SACM1L: variants seen among roughly 807,000 people sequenced by gnomAD.
SACM1L encodes SAC1 like phosphatidylinositide phosphatase, also known as phosphatidylinositol-3-phosphatase SAC1.
A neutral mutation model predicts 89.5 loss-of-function variants in SACM1L; 32 were observed. That is an observed-to-expected ratio of 0.36 (90% confidence interval 0.27 to 0.48). The LOEUF (loss-of-function observed/expected upper bound fraction) is 0.48. SACM1L is among the 20% of genes least tolerant of loss of function. The pLI is 0.99. For synonymous variants in SACM1L, 213 were observed against 232.8 expected (o/e 0.92, Z 0.77); for missense variants, 543 against 708.5 (o/e 0.77, Z 2.65).
At chr3:45,715,028 T>C (rs538922244) in intron 7 of SACM1L, among the ~76,000 whole-genome samples, 2 of 152,360 alleles carry the variant, frequency 1.3e-5, no homozygotes, top group South Asian at 4.1e-4. Flanking sequence ...CCTACAGTAT[T>C]TAGTACAGTA....
intron 1 of SACM1L, among the ~76,000 whole-genome samples, chr3:45,694,311 C>T (rs1351280211): frequency 1.3e-5 from 2 of 152,142 alleles, no homozygotes; most frequent in African/African-American, 4.8e-5. Flanking sequence ...AAAAGAGTCT[C>T]ATAACTGTGA....
In SACM1L at chr3:45,709,900, G is replaced by GT. The variant is rs539340859; in HGVS notation, c.483+254dup. Among the ~76,000 whole-genome samples the GT allele has an allele frequency of 5.9e-5, 9 of 152,284 alleles. 1 individual carries two copies. The East Asian group carries it at 1.7e-3, about 29-fold the overall frequency. On this transcript the variant is annotated intron_variant, in intron 5 of 19. Transcript: ENST00000389061. ...CAGAAATCTTTGTATAAACACACAT[G>GT]TAAGTTATTAGAGGAAAATCTTTCA...
At chr3:45,739,176 CGT>C (rs565312787) in intron 18 of SACM1L, among the ~76,000 whole-genome samples, 82 of 152,228 alleles carry the variant, frequency 5.4e-4, no homozygotes, top group African/African-American at 1.7e-3. Context: ...CAGAGACAAA[CGT>C]GTTACATGGA....
chr3:45,719,701 T>A (rs1478050506), intron 8 of SACM1L, 100 bp downstream of exon 8: 3 of 645,776 alleles, frequency 4.6e-6, no homozygotes, highest in Non-Finnish European at 7.8e-6. Context: ...CATTATCATT[T>A]GATAGCCTTG....
rs1421952183 is a variant in SACM1L, at chr3:45,744,502, C to T, written c.*833C>T. ...TACATTTTGGTTTCTTTGAGGGTCA[C>T]TCATTGAGACACGCAGGCCTCTGAG... On this transcript the variant is annotated 3_prime_UTR_variant, in exon 20 of 20. Coordinates refer to ENST00000389061, the MANE Select transcript of SACM1L (RefSeq NM_014016.5). The T allele has an allele frequency of 1.3e-5, 2 of 152,600 alleles. No homozygotes were observed. The highest frequency in any genetic ancestry group is 4.1e-4 in the South Asian group (2 of 4,824). The allele number at this position is 152,600 out of a possible 1,614,324, so 9.5% of individuals were successfully genotyped here. A position where few individuals can be genotyped will look rare whatever the true frequency, so the allele number is the denominator to read the frequency against.
chr3:45,744,395 C>G lies in SACM1L; in HGVS notation c.*726C>G, dbSNP rs778985249. On this transcript the variant is annotated 3_prime_UTR_variant, in exon 20 of 20. Transcript: ENST00000389061. ...CAAAGAATGTAAAGTCTATCTCTTA[C>G]GCTAGAGGTCCAAAGCTGCCTCTGT... The G allele has an allele frequency of 2.0e-5, 3 of 152,608 alleles. No individual in the cohort carries two copies. Among genetic ancestry groups the G allele is most frequent in the African/African-American group, 7.2e-5 (3 of 41,432 alleles). The allele number at this position is 152,608 out of a possible 1,614,324, so 9.5% of individuals were successfully genotyped here.
At chr3:45,718,250 TAAAG>T (rs1168852873) in intron 7 of SACM1L, among the ~76,000 whole-genome samples, 14 of 146,012 alleles carry the variant, frequency 9.6e-5, no homozygotes, top group African/African-American at 2.3e-4. Flanking sequence ...AATGAGCAAA[TAAAG>T]AAAACTGAAA....
intron 1 of SACM1L, among the ~76,000 whole-genome samples, chr3:45,701,329 C>G (rs1459874650): frequency 6.6e-6 from 1 of 152,110 alleles, no homozygotes; most frequent in Non-Finnish European, 1.5e-5. Context: ...CAGTGAGTCC[C>G]CAAAACAAAG....
At chr3:45,740,348 G>C (rs1699288260) in intron 19 of SACM1L, among the ~76,000 whole-genome samples, 1 of 152,160 alleles carries the variant, frequency 6.6e-6, no homozygotes, top group Non-Finnish European at 1.5e-5. Context: ...AATTTACATT[G>C]TCAGGGTGAG....
chr3:45,706,947 A>G, intron 4 of SACM1L, 40 bp downstream of exon 4: 1 of 1,595,308 alleles, frequency 6.3e-7, no homozygotes, highest in Non-Finnish European at 8.6e-7. Flanking sequence ...GCGCCCAAAG[A>G]AGTAGCATGG....
intron 13 of SACM1L, among the ~76,000 whole-genome samples, chr3:45,733,334 T>G (rs1158869269): frequency 6.6e-6 from 1 of 152,222 alleles, no homozygotes; most frequent in African/African-American, 2.4e-5. Context: ...AGTTTTTCTC[T>G]TAGTAGTAAT....
At chr3:45,701,790 A>C (rs1698279142) in intron 1 of SACM1L, among the ~76,000 whole-genome samples, 1 of 152,156 alleles carries the variant, frequency 6.6e-6, no homozygotes, top group African/African-American at 2.4e-5. Flanking sequence ...TTCCTGCACA[A>C]GTTAAACATA....
intron 11 of SACM1L, among the ~76,000 whole-genome samples, chr3:45,727,166 T>A (rs1698940734): frequency 6.7e-6 from 1 of 150,354 alleles, no homozygotes; most frequent in Non-Finnish European, 1.5e-5. Context: ...ATTACAGGCG[T>A]GAGCCACCGC....
chr3:45,709,399 T>C, intron 4 of SACM1L, 99 bp from the exon 5 acceptor site: 1 of 1,085,664 alleles, frequency 9.2e-7, no homozygotes, highest in South Asian at 1.6e-5. Context: ...CAGTAGTCTT[T>C]AATGAGACTG....
At position 45,709,548 on chromosome 3, in the gene SACM1L, G is replaced by A. The variant is rs145136023; in HGVS notation, c.384G>A (p.Val128=). The change falls in exon 5 of 20, where the codon GTG becomes GTA. Residue 128 remains valine (V), a synonymous_variant. Coordinates refer to ENST00000389061, the MANE Select transcript of SACM1L (RefSeq NM_014016.5). The stretch of plus-strand genomic sequence containing the variant: ...CGATGCTAAACCATGTCTTGAATGT[G>A]GATGGATTTTACTTTTCAACAACAT... ...FLAMLNHVLN[V]DGFYFSTTYD... The A allele has an allele frequency of 5.9e-3, 9,533 of 1,613,494 alleles. 44 individuals are homozygous for A. Among genetic ancestry groups the A allele is most frequent in the Non-Finnish European group, 7.2e-3 (8,460 of 1,179,626 alleles).
chr3:45,725,442 TTTTG>T (rs776406423), intron 11 of SACM1L, among the ~76,000 whole-genome samples: 104 of 152,280 alleles, frequency 6.8e-4, no homozygotes, highest in South Asian at 2.7e-3. Context: ...AATGGTGTTT[TTTTG>T]TTTGTTTGTT....
rs140409746 is a variant in SACM1L at position 45,710,848 on chromosome 3, G to T, written c.483+1201G>T. The stretch of plus-strand genomic sequence containing the variant: ...TATGTAGGCTTAGATGGAAGTTTAG[G>T]TGCAGGCTAAGCATTCAAGAAACTT... On this transcript the variant is annotated intron_variant, in intron 5 of 19. Coordinates refer to ENST00000389061, the MANE Select transcript of SACM1L (RefSeq NM_014016.5). 2.7e-3 allele frequency among the ~76,000 whole-genome samples: 408 copies of T among 152,218 alleles called. 1 individual carries two copies. Among genetic ancestry groups the T allele is most frequent in the African/African-American group, 9.4e-3 (392 of 41,510 alleles).
chr3:45,691,283 A>C (rs916751665), intron 1 of SACM1L, among the ~76,000 whole-genome samples: 1 of 152,212 alleles, frequency 6.6e-6, no homozygotes, highest in African/African-American at 2.4e-5. Flanking sequence ...GTGAAGGTAC[A>C]ACTTTTTTGC....
chr3:45,731,324 G>T lies in SACM1L; in HGVS notation c.945G>T (p.Lys315Asn). Reference protein sequence around the residue: ...INLINQKGSEKPLEQTFATMV... With the variant: ...INLINQKGSENPLEQTFATMV... ...AGATTAACCAGAAGGGCTCGGAGAA[G>T]CCACTTGAGCAGACATTTGCAACAA... Residue 315 changes from lysine to asparagine, a missense_variant, in exon 12 of 20, where the codon AAG becomes AAT. Coordinates refer to ENST00000389061, the MANE Select transcript of SACM1L (RefSeq NM_014016.5). The T allele has an allele frequency of 6.2e-7, 1 of 1,613,244 alleles. No individual in the cohort carries two copies. Among genetic ancestry groups the T allele is most frequent in the Non-Finnish European group, 8.5e-7 (1 of 1,179,438 alleles).
Sources: gnomAD v4.1 joint callset for allele counts (sites outside exome capture counted in the v4.1 genomes callset) on GRCh38, gnomAD v4.1.1 for gene constraint, MANE v1.5 for transcripts, NCBI Gene and HGNC (gene_info 2026-07-23, HGNC 2026-07-21) for gene names.